GRID2: variants seen among roughly 807,000 people sequenced by gnomAD.
The protein encoded by GRID2 is glutamate ionotropic receptor delta type subunit 2, also known as glutamate receptor ionotropic, delta-2.
Under a neutral mutation model 114.8 loss-of-function variants are expected in GRID2, and 33 were observed. That is an observed-to-expected ratio of 0.29 (90% CI 0.22 to 0.38). The LOEUF is 0.38. GRID2 is among the 10% of genes least tolerant of loss of function. GRID2 has a pLI of 1.00. For missense variants in GRID2, 1,184 were observed against 1,257.7 expected, an observed-to-expected ratio of 0.94 and a Z score of 0.89; for synonymous variants, 505 against 449.9, an observed-to-expected ratio of 1.12 and a Z score of -1.55.
chr4:93,201,872 A>C (rs1742141852), intron 4 of GRID2, among the ~76,000 whole-genome samples: 1 of 152,204 alleles, frequency 6.6e-6, no homozygotes, highest in African/African-American at 2.4e-5. Flanking sequence ...CCTGCCAGTG[A>C]CAGATGGTCT....
chr4:93,017,688 C>G (rs908002760), intron 2 of GRID2, among the ~76,000 whole-genome samples: 2 of 151,446 alleles, frequency 1.3e-5, no homozygotes, highest in Non-Finnish European at 2.9e-5. Flanking sequence ...CGCTTGTGAT[C>G]CCAGCTATTC....
At chr4:92,534,103 C>T (rs1198603008) in intron 1 of GRID2, among the ~76,000 whole-genome samples, 3 of 151,954 alleles carry the variant, frequency 2.0e-5, no homozygotes, top group African/African-American at 4.8e-5. Flanking sequence ...TTTGAAGTAA[C>T]TCTTCATAAA....
intron 1 of GRID2, among the ~76,000 whole-genome samples, chr4:92,477,086 T>C (rs1560657300): frequency 6.9e-6 from 1 of 144,956 alleles, no homozygotes; most frequent in African/African-American, 2.5e-5. Flanking sequence ...TGTGTGTGTG[T>C]GTGTGTGTGT....
chr4:93,726,422 G>T (rs1469885653), intron 14 of GRID2, among the ~76,000 whole-genome samples: 7 of 152,182 alleles, frequency 4.6e-5, no homozygotes, highest in Non-Finnish European at 8.8e-5. Context: ...GTAGCATGAT[G>T]CCTCCAGCTT....
In GRID2 at chr4:93,724,332, T is replaced by A. The variant is rs150443386; in HGVS notation, c.2361-44878T>A. On this transcript the variant is annotated intron_variant, in intron 14 of 15. Coordinates refer to ENST00000282020, the MANE Select transcript of GRID2 (RefSeq NM_001510.4). Reference sequence around the variant, plus strand: ...AGGAAGATAGACTAGGCAGCCAACCTCCTTTACAGAGCTAAGGTCATAATT... The same window carrying A: ...AGGAAGATAGACTAGGCAGCCAACCACCTTTACAGAGCTAAGGTCATAATT... Among the ~76,000 whole-genome samples the A allele has an allele frequency of 2.2e-3, 338 of 152,304 alleles. 1 individual carries two copies. Among genetic ancestry groups the A allele is most frequent in the Middle Eastern group, 3.4e-3 (1 of 294 alleles).
intron 2 of GRID2, among the ~76,000 whole-genome samples, chr4:92,844,129 A>C (rs923650874): frequency 3.9e-5 from 6 of 152,134 alleles, no homozygotes; most frequent in African/African-American, 1.4e-4. Flanking sequence ...AAATTTATTA[A>C]ATTCAACAAG....
At chr4:92,966,666 C>T (rs1458325416) in intron 2 of GRID2, among the ~76,000 whole-genome samples, 1 of 151,838 alleles carries the variant, frequency 6.6e-6, no homozygotes. Flanking sequence ...CTCTTGCCTG[C>T]CACTGTGTAA....
chr4:93,356,665 ATTAT>A (rs1241868851), intron 8 of GRID2, among the ~76,000 whole-genome samples: 1 of 151,884 alleles, frequency 6.6e-6, no homozygotes. Flanking sequence ...TATGTACAAA[ATTAT>A]TTATAGTAGC....
intron 2 of GRID2, among the ~76,000 whole-genome samples, chr4:92,969,912 T>C (rs1455545494): frequency 2.0e-5 from 3 of 151,914 alleles, no homozygotes; most frequent in Non-Finnish European, 4.4e-5. Context: ...GAGTGCTTCT[T>C]AAAACATAAA....
chr4:93,115,163 G>A (rs1446783647), intron 4 of GRID2, among the ~76,000 whole-genome samples: 2 of 151,276 alleles, frequency 1.3e-5, no homozygotes, highest in Non-Finnish European at 2.9e-5. Context: ...ATTCTACTGA[G>A]GCTTTTAAAA....
At chr4:93,106,029 C>T (rs1026231778) in intron 3 of GRID2, among the ~76,000 whole-genome samples, 2 of 152,108 alleles carry the variant, frequency 1.3e-5, no homozygotes, top group Admixed American at 6.6e-5. Context: ...ACATCTTCCT[C>T]CTCCCCCAGT....
At chr4:93,253,031 C>T (rs979300211) in intron 8 of GRID2, among the ~76,000 whole-genome samples, 11 of 151,204 alleles carry the variant, frequency 7.3e-5, no homozygotes, top group African/African-American at 1.5e-4. Flanking sequence ...AGGCAGATCA[C>T]GAGGTCAGGA....
intron 14 of GRID2, among the ~76,000 whole-genome samples, chr4:93,752,663 C>A (rs1351982230): frequency 6.6e-6 from 1 of 152,184 alleles, no homozygotes; most frequent in East Asian, 1.9e-4. Context: ...AGCCACCGCG[C>A]CTGGCCAATA....
At chr4:92,734,743 A>G (rs1258122027) in intron 2 of GRID2, among the ~76,000 whole-genome samples, 1 of 151,402 alleles carries the variant, frequency 6.6e-6, no homozygotes, top group Admixed American at 6.6e-5. Flanking sequence ...GAATTATTGT[A>G]CATTGATGGT....
rs1725277970 is a variant in GRID2, at chr4:92,304,557, G to T, written c.-100G>T. ...ATAGGAATTTAGAAAAAAAGAAAAA[G>T]CTGCGCTAAACTCCACCGTGACCTC... On this transcript the variant is annotated 5_prime_UTR_variant, in exon 1 of 16. Transcript: ENST00000282020. 3 of 769,862 alleles carry T rather than the reference G, an allele frequency of 3.9e-6. No individual in the cohort carries two copies. The highest frequency in any genetic ancestry group is 6.8e-6 in the Non-Finnish European group (3 of 443,870). The allele number at this position is 769,862 out of a possible 1,614,324, so 47.7% of individuals were successfully genotyped here.
chr4:93,314,615 G>A (rs558876966), intron 8 of GRID2, among the ~76,000 whole-genome samples: 7 of 151,956 alleles, frequency 4.6e-5, no homozygotes, highest in African/African-American at 1.2e-4. Flanking sequence ...AGCCTGCCCC[G>A]ATTGTATTAT....
intron 14 of GRID2, among the ~76,000 whole-genome samples, chr4:93,689,813 G>T (rs1441102743): frequency 6.6e-6 from 1 of 151,948 alleles, no homozygotes; most frequent in Non-Finnish European, 1.5e-5. Flanking sequence ...AGAACACTTG[G>T]ATTTCATTTA....
Position 93,638,575 on chromosome 4 carries a change from T to C in GRID2, c.2360+12140T>C, listed in dbSNP as rs1420427962. On this transcript the variant is annotated intron_variant, in intron 14 of 15. Coordinates refer to ENST00000282020, the MANE Select transcript of GRID2 (RefSeq NM_001510.4). ...TATGCGGTGTTTGGTTTTTTGTTCT[T>C]GCGATAGTTTACTGAGAATGATGGT... Among the ~76,000 whole-genome samples the C allele has an allele frequency of 1.8e-3, 26 of 14,430 alleles. 1 individual carries two copies. The highest frequency in any genetic ancestry group is 2.8e-3 in the Non-Finnish European group (21 of 7,616). The allele number at this position is 14,430 out of a possible 152,430, so 9.5% of individuals were successfully genotyped here.
At chr4:92,676,060 A>G (rs930422478) in intron 2 of GRID2, among the ~76,000 whole-genome samples, 1 of 147,612 alleles carries the variant, frequency 6.8e-6, no homozygotes, top group Middle Eastern at 3.8e-3. Context: ...GATACTCAAT[A>G]TTTTGTCATA....
Sources: gnomAD v4.1 joint callset for allele counts (sites outside exome capture counted in the v4.1 genomes callset) on GRCh38, gnomAD v4.1.1 for gene constraint, MANE v1.5 for transcripts, NCBI Gene and HGNC (gene_info 2026-07-23, HGNC 2026-07-21) for gene names.